The following SESN2 variants were observed in gnomAD, a reference collection of about 807,000 sequenced individuals.
SESN2 encodes sestrin 2, also known as sestrin-2.
A neutral mutation model predicts 56.0 loss-of-function variants in SESN2; 42 were observed. The observed-to-expected ratio is 0.75, with a 90% confidence interval of 0.59 to 0.97. The LOEUF (loss-of-function observed/expected upper bound fraction) is 0.97. Ranked by LOEUF, SESN2 falls within the 50% of genes least tolerant of loss-of-function variation. The pLI, the probability that SESN2 is intolerant of heterozygous loss-of-function variation, is 0.00. For missense variants in SESN2, 507 were observed against 649.4 expected (o/e 0.78, Z 2.38); for synonymous variants, 264 against 267.1 (o/e 0.99, Z 0.11).
chr1:28,267,136 T>A (rs1647584986), intron 1 of SESN2, among the ~76,000 whole-genome samples: 1 of 152,078 alleles, frequency 6.6e-6, no homozygotes, highest in Middle Eastern at 3.2e-3. Flanking sequence ...AATCCTTATC[T>A]CCTATACAGA....
intron 8 of SESN2, among the ~76,000 whole-genome samples, chr1:28,276,614 T>C (rs1288080034): frequency 7.7e-5 from 11 of 143,484 alleles, no homozygotes; most frequent in African/African-American, 2.9e-4. Flanking sequence ...AGTTTCAATC[T>C]TGTTGCCTAG....
At chr1:28,275,872 A>G (rs1162688608) in intron 8 of SESN2, among the ~76,000 whole-genome samples, 2 of 152,120 alleles carry the variant, frequency 1.3e-5, no homozygotes, top group African/African-American at 4.8e-5. Context: ...TGGGCAACAT[A>G]GTGAGACCCC....
chr1:28,271,228 G>A (rs1647764159), intron 2 of SESN2, among the ~76,000 whole-genome samples: 1 of 152,182 alleles, frequency 6.6e-6, no homozygotes, highest in Non-Finnish European at 1.5e-5. Flanking sequence ...CTCAGGGATG[G>A]CATGGAGACA....
Position 28,274,156 on chromosome 1 carries a change from C to T in SESN2, c.1018C>T (p.Gln340Ter). ...TCAGGCACCCCCTACCTTCCGGGCC[C>T]AGGTAGGGCTCTCTCTACTAGTCTT... is the stretch of plus-strand genomic sequence containing the variant. ...GAQAPPTFRA[Q>*]DYTWEDHGYS... Residue 340 changes from glutamine to a stop codon, truncating the protein, a stop_gained and splice_region_variant, in exon 7 of 10, where the codon CAG (glutamine) becomes TAG (stop). Transcript: ENST00000253063. LOFTEE classifies it high-confidence loss of function. 1 of 1,588,312 alleles carries T rather than the reference C, an allele frequency of 6.3e-7. No individual in the cohort carries two copies. Among genetic ancestry groups the T allele is most frequent in the East Asian group, 2.2e-5 (1 of 44,764 alleles).
chr1:28,276,571 T>G lies in SESN2; in HGVS notation c.1211+1556T>G, dbSNP rs1411613054. 6.4e-5 allele frequency among the ~76,000 whole-genome samples: 6 copies of G among 93,932 alleles called. No individual in the cohort carries two copies. The South Asian group carries it at 1.2e-3, about 19-fold the overall frequency. The allele number at this position is 93,932 out of a possible 152,430, so 61.6% of individuals were successfully genotyped here. ...ATCTCCTTCCTGTCTTTTTCTTTCC[T>G]TTTTTTTTTTTTTTTTTTTTTTTTT... On this transcript the variant is annotated intron_variant, in intron 8 of 9. Transcript: ENST00000253063.
intron 1 of SESN2, among the ~76,000 whole-genome samples, chr1:28,265,072 C>T (rs1161632656): frequency 6.6e-6 from 1 of 152,114 alleles, no homozygotes; most frequent in African/African-American, 2.4e-5. Flanking sequence ...TGTTCCTCAT[C>T]TGTAAAATGG....
chr1:28,260,074 A>G lies in SESN2; in HGVS notation c.90+137A>G, dbSNP rs1161644876. On this transcript the variant is annotated intron_variant, in intron 1 of 9. Coordinates refer to ENST00000253063, the MANE Select transcript of SESN2 (RefSeq NM_031459.5). ...GCGCGTAACCCGGGACCCGGGTTGC[A>G]TCAACTGGCAGCCGCGGCCCTCGGC... 1.2e-5 allele frequency: 7 copies of G among 578,370 alleles called. No individual in the cohort carries two copies. In the East Asian group the frequency reaches 1.8e-4, roughly 15 times the overall value. The allele number at this position is 578,370 out of a possible 1,614,324, so 35.8% of individuals were successfully genotyped here.
At position 28,272,587 on chromosome 1, in the gene SESN2, C is replaced by G. The variant is rs1396975901; in HGVS notation, c.544C>G (p.Leu182Val). The change falls in exon 5 of 10, where the codon CTG becomes GTG. Residue 182 changes from leucine (L) to valine (V), a missense_variant. By Grantham distance (32) the Leu-to-Val change is conservative. Coordinates refer to ENST00000253063, the MANE Select transcript of SESN2 (RefSeq NM_031459.5). ...LITKEHIQAL[L>V]KTGEHTWSLA... The stretch of plus-strand genomic sequence containing the variant: ...CCCCCCTTGTCCCTTCCAGGCCTTG[C>G]TGAAGACCGGCGAGCACACTTGGTC... The G allele has an allele frequency of 1.9e-6, 3 of 1,613,896 alleles. No homozygotes were observed. Among genetic ancestry groups the G allele is most frequent in the Non-Finnish European group, 8.5e-7 (1 of 1,179,960 alleles).
chr1:28,275,315 ACAC>A lies in SESN2; in HGVS notation c.1211+301_1211+303del, dbSNP rs1345078419. ...CATGCATACACACACACACACACAC[ACAC>A]TATATATATATGTAGAGAGAGTTAT... On this transcript the variant is annotated intron_variant, in intron 8 of 9. Coordinates refer to ENST00000253063, the MANE Select transcript of SESN2 (RefSeq NM_031459.5). Among the ~76,000 whole-genome samples, 711 of 149,384 alleles carry A rather than the reference ACAC, an allele frequency of 4.8e-3. 6 individuals are homozygous for A. The highest frequency in any genetic ancestry group is 0.017 in the African/African-American group (681 of 40,684).
Position 28,269,255 on chromosome 1 carries a change from T to A in SESN2, c.156+7T>A. 1 of 1,607,236 alleles carries A rather than the reference T, an allele frequency of 6.2e-7. No homozygotes were observed. Among genetic ancestry groups the A allele is most frequent in the African/African-American group, 1.3e-5 (1 of 74,822 alleles). The stretch of plus-strand genomic sequence containing the variant: ...CTTCATCCCCGTGGAGGAGGTAAGC[T>A]TGGAAGGGGTTAGGGATCTTTGGTC... On this transcript the variant is annotated splice_region_variant and intron_variant, in intron 2 of 9. Transcript: ENST00000253063.
At chr1:28,272,818 T>C (rs1647839043) in intron 5 of SESN2, 25 bp downstream of exon 5, 1 of 1,427,068 alleles carries the variant, frequency 7.0e-7, no homozygotes, top group South Asian at 1.3e-5. Context: ...TGGGTCTTGA[T>C]CGGGGAGGAA....
chr1:28,273,031 A>T (rs926951836), intron 5 of SESN2, among the ~76,000 whole-genome samples: 16 of 152,234 alleles, frequency 1.1e-4, no homozygotes, highest in African/African-American at 3.6e-4. Flanking sequence ...CACTGTGTAT[A>T]TGCCATAGGC....
intron 3 of SESN2, 52 bp from the exon 4 acceptor site, chr1:28,272,232 G>A: frequency 1.3e-6 from 2 of 1,592,610 alleles, no homozygotes; most frequent in Non-Finnish European, 1.7e-6. Flanking sequence ...CCCACCCTGA[G>A]CCAGGCACAA....
chr1:28,270,231 A>G (rs190560953), intron 2 of SESN2, among the ~76,000 whole-genome samples: 5,234 of 152,018 alleles, frequency 0.034, 228 homozygotes, highest in African/African-American at 0.11. Context: ...GGCGCCTGTA[A>G]TCCCAGCTAC....
At chr1:28,276,570 CTT>C (rs57474365) in intron 8 of SESN2, among the ~76,000 whole-genome samples, 5 of 94,730 alleles carry the variant, frequency 5.3e-5, no homozygotes, top group African/African-American at 1.4e-4. Context: ...TTTTTCTTTC[CTT>C]TTTTTTTTTT....
At chr1:28,268,992 T>C (rs1349267346) in intron 1 of SESN2, among the ~76,000 whole-genome samples, 191 bp from the exon 2 acceptor site, 1 of 152,178 alleles carries the variant, frequency 6.6e-6, no homozygotes, top group African/African-American at 2.4e-5. Flanking sequence ...CAGCCTGGAG[T>C]GAGCCCTCTT....
At chr1:28,273,597 C>T in intron 6 of SESN2, 89 bp downstream of exon 6, 1 of 1,280,958 alleles carries the variant, frequency 7.8e-7, no homozygotes, top group Non-Finnish European at 1.1e-6. Context: ...ATTCCAGAGG[C>T]AGCCACTTCT....
rs1461819908 is a variant in SESN2, at chr1:28,272,273, T to C, written c.355-11T>C. The C allele has an allele frequency of 1.2e-6, 2 of 1,612,992 alleles. No individual in the cohort carries two copies. Among genetic ancestry groups the C allele is most frequent in the African/African-American group, 2.7e-5 (2 of 74,910 alleles). On this transcript the variant is annotated splice_polypyrimidine_tract_variant and intron_variant, in intron 3 of 9. Coordinates refer to ENST00000253063, the MANE Select transcript of SESN2 (RefSeq NM_031459.5). ...GGAGGGTGACTCAGGCTGTGTCCAC[T>C]ACCTCCGCAGGCTGCCGCCCGCCAT...
chr1:28,274,796 A>G, intron 7 of SESN2, 29 bp from the exon 8 acceptor site: 1 of 1,569,758 alleles, frequency 6.4e-7, no homozygotes, highest in Non-Finnish European at 8.7e-7. Context: ...GGCTCCAAAG[A>G]CTCACCAATC....
Sources: allele counts gnomAD v4.1 joint callset (sites outside exome capture counted in the v4.1 genomes callset), GRCh38; gene constraint gnomAD v4.1.1; transcripts MANE v1.5; gene names NCBI Gene and HGNC (gene_info 2026-07-23, HGNC 2026-07-21).